The following EIF5B variants were observed in gnomAD, a reference collection of about 807,000 sequenced individuals.
The protein encoded by EIF5B is eukaryotic translation initiation factor 5B.
In EIF5B, 47 loss-of-function variants were observed where a neutral mutation model predicts 147.5. That is an observed-to-expected ratio of 0.32 (90% CI 0.25 to 0.41). EIF5B has a LOEUF of 0.41. Among genes scored for constraint, EIF5B ranks in the 10% least tolerant of loss-of-function variants. EIF5B has a pLI of 1.00. For missense variants in EIF5B, 1,064 were observed against 1,413.2 expected, an observed-to-expected ratio of 0.75 and a Z score of 3.96; for synonymous variants, 455 against 456.2, an observed-to-expected ratio of 1.00 and a Z score of 0.03.
chr2:99,366,336 T>C (rs886556466), intron 6 of EIF5B, among the ~76,000 whole-genome samples: 1 of 152,120 alleles, frequency 6.6e-6, no homozygotes, highest in African/African-American at 2.4e-5. Context: ...CAGCCTACAG[T>C]TTCCCCTCAG....
chr2:99,337,644 C>A, intron 1 of EIF5B, 55 bp downstream of exon 1: 1 of 1,544,522 alleles, frequency 6.5e-7, no homozygotes, highest in Admixed American at 2.0e-5. Flanking sequence ...GTGGAGTGTG[C>A]GGGTCTCGCC....
chr2:99,399,512 T>C lies in EIF5B; in HGVS notation c.*98T>C, dbSNP rs1436696730. ...AAATGGAACAGACGTATTTGGACAC[T>C]GATGGACTTAAGTATGGAAGGAAGA... On this transcript the variant is annotated 3_prime_UTR_variant, in exon 24 of 24. Coordinates refer to ENST00000289371, the MANE Select transcript of EIF5B (RefSeq NM_015904.4). 25 of 1,106,402 alleles carry C rather than the reference T, an allele frequency of 2.3e-5. No individual in the cohort carries two copies. The highest frequency in any genetic ancestry group is 3.3e-5 in the Non-Finnish European group (25 of 751,846). The allele number at this position is 1,106,402 out of a possible 1,614,324, so 68.5% of individuals were successfully genotyped here.
rs1675002748 is a variant in EIF5B at position 99,394,522 on chromosome 2, A to G, written c.3026A>G (p.Asn1009Ser). ...CCATTTTTTCAGTATGCAGGAATTA[A>G]CATTGGCCCAGTGCATAAAAAAGAT... is the stretch of plus-strand genomic sequence containing the variant. ...KTSEVPYAGI[N>S]IGPVHKKDVM... The change falls in exon 20 of 24, where the codon AAC becomes AGC. Residue 1009 changes from asparagine (N) to serine (S), a missense_variant. Coordinates refer to ENST00000289371, the MANE Select transcript of EIF5B (RefSeq NM_015904.4). 2.5e-6 allele frequency: 4 copies of G among 1,614,104 alleles called. No individual in the cohort carries two copies. The highest frequency in any genetic ancestry group is 3.4e-6 in the Non-Finnish European group (4 of 1,180,046).
intron 1 of EIF5B, among the ~76,000 whole-genome samples, chr2:99,351,811 C>A (rs72956317): frequency 6.6e-6 from 1 of 151,974 alleles, no homozygotes; most frequent in African/African-American, 2.4e-5. Flanking sequence ...AATTCTCTTG[C>A]CTCAGCCTCC....
In EIF5B at chr2:99,353,203, C is replaced by T. The variant is rs368916170; in HGVS notation, c.36-7033C>T. On this transcript the variant is annotated intron_variant, in intron 1 of 23. Coordinates refer to ENST00000289371, the MANE Select transcript of EIF5B (RefSeq NM_015904.4). The stretch of plus-strand genomic sequence containing the variant: ...CTAATTTTTGTATTTTTAGTAAAGA[C>T]GGGGTTTCACCATATTGGCCAGGCT... 8.6e-5 allele frequency among the ~76,000 whole-genome samples: 13 copies of T among 151,926 alleles called. No individual in the cohort carries two copies. The East Asian group carries it at 1.4e-3, about 16-fold the overall frequency.
intron 12 of EIF5B, among the ~76,000 whole-genome samples, chr2:99,380,011 A>G (rs767373031): frequency 6.6e-5 from 10 of 151,996 alleles, no homozygotes; most frequent in Non-Finnish European, 1.3e-4. Context: ...GATAATCTCT[A>G]CCTTTTAATG....
In EIF5B at chr2:99,396,918, T is replaced by C. The variant is rs1194694219; in HGVS notation, c.3393+20T>C. 3 of 1,583,624 alleles carry C rather than the reference T, an allele frequency of 1.9e-6. No individual in the cohort carries two copies. The highest frequency in any genetic ancestry group is 2.6e-6 in the Non-Finnish European group (3 of 1,170,172). Reference sequence around the variant, plus strand: ...AAAAATGTAAGTTCTAGTTGTACATTCTGTGGGTCATTTCTTAAAGCACTA... The same window carrying C: ...AAAAATGTAAGTTCTAGTTGTACATCCTGTGGGTCATTTCTTAAAGCACTA... On this transcript the variant is annotated intron_variant, in intron 22 of 23. Transcript: ENST00000289371.
chr2:99,400,198 G>T lies in EIF5B; in HGVS notation c.*784G>T, dbSNP rs907113698. The T allele has an allele frequency of 6.6e-5, 10 of 152,032 alleles. No individual in the cohort carries two copies. Among genetic ancestry groups the T allele is most frequent in the African/African-American group, 2.4e-4 (10 of 41,302 alleles). 9.4% of individuals were successfully genotyped at this position (152,032 alleles called of 1,614,324 possible). A position where few individuals can be genotyped will look rare whatever the true frequency, so the allele number is the denominator to read the frequency against. ...TATGCCAGCACCTGGTAACAGTAGA[G>T]ATTTTTATACATTAATCTTGATCTG... is the stretch of plus-strand genomic sequence containing the variant. On this transcript the variant is annotated 3_prime_UTR_variant, in exon 24 of 24. Coordinates refer to ENST00000289371, the MANE Select transcript of EIF5B (RefSeq NM_015904.4).
chr2:99,370,984 G>A (rs1402440319), intron 8 of EIF5B, among the ~76,000 whole-genome samples: 1 of 152,094 alleles, frequency 6.6e-6, no homozygotes, highest in East Asian at 1.9e-4. Context: ...TGAGTTGGAT[G>A]ATCAAAAAGA....
chr2:99,395,723 G>A (rs554704379), intron 21 of EIF5B, among the ~76,000 whole-genome samples: 1 of 152,314 alleles, frequency 6.6e-6, no homozygotes, highest in Admixed American at 6.5e-5. Flanking sequence ...GATAAGGAGA[G>A]GAGGGACTGT....
At chr2:99,353,992 T>G (rs920407518) in intron 1 of EIF5B, among the ~76,000 whole-genome samples, 3 of 152,268 alleles carry the variant, frequency 2.0e-5, no homozygotes, top group African/African-American at 7.2e-5. Context: ...TGCTATGAAC[T>G]TCTGTCTACA....
rs1674455334 is a variant in EIF5B at position 99,371,701 on chromosome 2, C to T, written c.1523C>T (p.Ala508Val). 1.9e-6 allele frequency: 3 copies of T among 1,613,092 alleles called. No homozygotes were observed. Among genetic ancestry groups the T allele is most frequent in the Admixed American group, 1.7e-5 (1 of 59,994 alleles). ...GATGCTGGATTGGATGATTGGGAAG[C>T]TATGGCCAGTGATGAGGAGACAGAA... ...TEDAGLDDWEAMASDEETEKV... is the reference protein window; with the variant it reads ...TEDAGLDDWEVMASDEETEKV... The change falls in exon 9 of 24, where the codon GCT becomes GTT. Residue 508 changes from alanine (A) to valine (V), a missense_variant. By Grantham distance (64) the Ala-to-Val change is moderately conservative. Coordinates refer to ENST00000289371, the MANE Select transcript of EIF5B (RefSeq NM_015904.4).
At chr2:99,380,688 T>C (rs1020557970) in intron 12 of EIF5B, among the ~76,000 whole-genome samples, 2 of 152,228 alleles carry the variant, frequency 1.3e-5, no homozygotes, top group African/African-American at 4.8e-5. Context: ...TGTTATTATA[T>C]GCTAATGTCC....
chr2:99,343,546 A>G (rs1240916247), intron 1 of EIF5B, among the ~76,000 whole-genome samples: 1 of 151,924 alleles, frequency 6.6e-6, no homozygotes, highest in African/African-American at 2.4e-5. Flanking sequence ...GGCCGGGCAC[A>G]GTGGCTCATG....
intron 6 of EIF5B, among the ~76,000 whole-genome samples, chr2:99,364,912 C>T (rs1674296414): frequency 6.6e-6 from 1 of 152,066 alleles, no homozygotes; most frequent in Non-Finnish European, 1.5e-5. Flanking sequence ...CTTTCTGATG[C>T]AACAAGATAT....
chr2:99,350,696 G>A (rs901986620), intron 1 of EIF5B, among the ~76,000 whole-genome samples: 62 of 151,938 alleles, frequency 4.1e-4, no homozygotes, highest in African/African-American at 1.3e-3. Context: ...ATTTTCTCCC[G>A]TTCTATAGGC....
rs927366549 is a variant in EIF5B at position 99,399,513 on chromosome 2, G to A, written c.*99G>A. 9.1e-7 allele frequency: 1 copy of A among 1,099,956 alleles called. No individual in the cohort carries two copies. The highest frequency in any genetic ancestry group is 1.3e-6 in the Non-Finnish European group (1 of 746,826). 68.1% of individuals were successfully genotyped at this position (1,099,956 alleles called of 1,614,324 possible). ...AATGGAACAGACGTATTTGGACACTGATGGACTTAAGTATGGAAGGAAGAA... is the reference window on the plus strand; with the variant it reads ...AATGGAACAGACGTATTTGGACACTAATGGACTTAAGTATGGAAGGAAGAA... On this transcript the variant is annotated 3_prime_UTR_variant, in exon 24 of 24. Transcript: ENST00000289371.
At chr2:99,341,210 C>T (rs1175795390) in intron 1 of EIF5B, among the ~76,000 whole-genome samples, 1 of 152,108 alleles carries the variant, frequency 6.6e-6, no homozygotes, top group East Asian at 1.9e-4. Flanking sequence ...TACACATAGC[C>T]TAGGTTTAAT....
intron 18 of EIF5B, 79 bp downstream of exon 18, chr2:99,393,177 G>A: frequency 7.7e-7 from 1 of 1,305,864 alleles, no homozygotes; most frequent in Non-Finnish European, 1.0e-6. Context: ...GCTAGGGATG[G>A]TGACCAAAAC....
Sources: allele counts gnomAD v4.1 joint callset (sites outside exome capture counted in the v4.1 genomes callset), GRCh38; gene constraint gnomAD v4.1.1; transcripts MANE v1.5; gene names NCBI Gene and HGNC (gene_info 2026-07-23, HGNC 2026-07-21).